Variants in SMC6 observed in about 807,000 individuals in gnomAD.
The protein encoded by SMC6 is structural maintenance of chromosomes protein 6.
SMC6 carries 79 observed loss-of-function variants against 142.2 expected under a neutral mutation model. The observed-to-expected ratio is 0.56, with a 90% CI of 0.46 to 0.67. The LOEUF is 0.67. Among genes scored for constraint, SMC6 ranks in the 30% least tolerant of loss-of-function variants. The probability of loss-of-function intolerance (pLI) is 0.00; values close to 1 mark genes in which losing one functional copy is unlikely to be tolerated. For missense variants in SMC6, 1,072 were observed against 1,284.0 expected, an observed-to-expected ratio of 0.83 and a Z score of 2.52; for synonymous variants, 411 against 412.4, an observed-to-expected ratio of 1.00 and a Z score of 0.04.
intron 3 of SMC6, among the ~76,000 whole-genome samples, chr2:17,743,797 A>T (rs1670596690): frequency 6.6e-6 from 1 of 152,102 alleles, no homozygotes; most frequent in Non-Finnish European, 1.5e-5. Context: ...TTAACTCTCC[A>T]TAGTTATGCC....
intron 7 of SMC6, 63 bp downstream of exon 7, chr2:17,731,015 G>C: frequency 7.6e-7 from 1 of 1,307,748 alleles, no homozygotes; most frequent in Non-Finnish European, 1.1e-6. Context: ...CTACACAAGT[G>C]AAATCGCACT....
intron 25 of SMC6, among the ~76,000 whole-genome samples, chr2:17,674,454 G>A (rs1666912507): frequency 6.6e-6 from 1 of 152,030 alleles, no homozygotes. Context: ...TTGCATTATA[G>A]CCAGGAAATG....
rs527738645 is a variant in SMC6, at chr2:17,679,018, C to A, written c.2805-54G>T. 12 of 1,217,486 alleles carry A rather than the reference C, an allele frequency of 9.9e-6. No individual in the cohort carries two copies. The South Asian group carries it at 1.4e-4, about 15-fold the overall frequency. 75.4% of individuals were successfully genotyped at this position (1,217,486 alleles called of 1,614,324 possible). ...AAAGAGGGCAAAGGTTTTTTAAAAACTATATTCAGCATGATCTAAGCATGT... is the reference window on the plus strand; with the variant it reads ...AAAGAGGGCAAAGGTTTTTTAAAAAATATATTCAGCATGATCTAAGCATGT... On this transcript the variant is annotated intron_variant, in intron 24 of 27. Coordinates refer to ENST00000448223, the MANE Select transcript of SMC6 (RefSeq NM_001142286.2).
chr2:17,753,112 C>T (rs1160885259), intron 1 of SMC6, 48 bp from the exon 2 acceptor site: 6 of 710,268 alleles, frequency 8.4e-6, no homozygotes, highest in Non-Finnish European at 1.0e-5. Flanking sequence ...CCTTTGAACA[C>T]ATGTTAATTT....
Position 17,717,186 on chromosome 2 carries a change from A to G in SMC6, c.1093-10T>C, listed in dbSNP as rs769716129. 10 of 1,578,504 alleles carry G rather than the reference A, an allele frequency of 6.3e-6. No homozygotes were observed. The African/African-American group carries it at 1.2e-4, about 19-fold the overall frequency. On this transcript the variant is annotated splice_polypyrimidine_tract_variant and intron_variant, in intron 12 of 27. Transcript: ENST00000448223. ...ATCGGTTATATAAAACCTAACCAAA[A>G]AAATTAGACACACTTTACAAAAATG...
chr2:17,709,909 A>G (rs971292666), intron 16 of SMC6, among the ~76,000 whole-genome samples: 3 of 152,214 alleles, frequency 2.0e-5, no homozygotes, highest in East Asian at 3.8e-4. Context: ...TCAGAGAAGC[A>G]AGGAGACAGA....
chr2:17,675,186 A>T (rs1396311121), intron 25 of SMC6, among the ~76,000 whole-genome samples: 2 of 152,040 alleles, frequency 1.3e-5, no homozygotes, highest in Non-Finnish European at 2.9e-5. Flanking sequence ...TGGTTACTCT[A>T]GAGATTGCAA....
Position 17,678,939 on chromosome 2 carries a change from A to G in SMC6, c.2830T>C (p.Tyr944His). 6.2e-7 allele frequency: 1 copy of G among 1,611,910 alleles called. No homozygotes were observed. The highest frequency in any genetic ancestry group is 8.5e-7 in the Non-Finnish European group (1 of 1,179,112). Residue 944 changes from tyrosine to histidine, a missense_variant, in exon 25 of 28, where the codon TAC (tyrosine) becomes CAC (histidine). Around this residue, in one of 3 missense-constraint regions of SMC6, gnomAD observed 994 missense variants for 1,153.2 expected, o/e 0.86. Transcript: ENST00000448223. The stretch of plus-strand genomic sequence containing the variant: ...CGCTGAGATAGTAAGTTGTCAAAGT[A>G]TAATTTGCATCGTAAAGTCAAACAC... ...RRCLTLRCKL[Y>H]FDNLLSQRAY...
Position 17,678,893 on chromosome 2 carries a change from T to C in SMC6, c.2876A>G (p.Asn959Ser). The C allele has an allele frequency of 6.2e-7, 1 of 1,612,462 alleles. No homozygotes were observed. The highest frequency in any genetic ancestry group is 1.1e-5 in the South Asian group (1 of 90,804). ...LSQRAYCGKM[N>S]FDHKNETLSI... ...TAGAGTTTCATTCTTGTGGTCAAAA[T>C]TCATTTTTCCACAATAGGCCCGCTG... Residue 959 changes from asparagine to serine, a missense_variant, in exon 25 of 28, where the codon AAT becomes AGT. This residue lies in a region of SMC6 where 994 missense variants were observed against 1,153.2 expected (regional missense o/e 0.86). Coordinates refer to ENST00000448223, the MANE Select transcript of SMC6 (RefSeq NM_001142286.2).
At chr2:17,693,161 G>A (rs528109594) in intron 23 of SMC6, among the ~76,000 whole-genome samples, 62 of 152,228 alleles carry the variant, frequency 4.1e-4, no homozygotes, top group Admixed American at 1.2e-3. Context: ...ATTGCTAAGG[G>A]ATCTAGAAAT....
At chr2:17,751,540 G>T (rs1258703631) in intron 2 of SMC6, among the ~76,000 whole-genome samples, 1 of 151,904 alleles carries the variant, frequency 6.6e-6, no homozygotes, top group African/African-American at 2.4e-5. Flanking sequence ...AAGGTATTTT[G>T]AGATAGAGGC....
chr2:17,689,964 C>A (rs1418379094), intron 23 of SMC6, among the ~76,000 whole-genome samples: 1 of 152,040 alleles, frequency 6.6e-6, no homozygotes, highest in East Asian at 1.9e-4. Flanking sequence ...TACAGAGAGC[C>A]AGCTGTATTT....
At chr2:17,718,303 T>C in intron 11 of SMC6, 80 bp from the exon 12 acceptor site, 1 of 921,356 alleles carries the variant, frequency 1.1e-6, no homozygotes, top group Admixed American at 3.4e-5. Flanking sequence ...ATAGTTCATA[T>C]ACCAATAATA....
At chr2:17,731,918 T>C in intron 5 of SMC6, 41 bp from the exon 6 acceptor site, 1 of 1,585,826 alleles carries the variant, frequency 6.3e-7, no homozygotes, top group East Asian at 2.3e-5. Context: ...GAAGATACAG[T>C]GTAATTACAA....
intron 16 of SMC6, 83 bp from the exon 17 acceptor site, chr2:17,708,836 A>ATATAT: frequency 2.1e-5 from 8 of 380,768 alleles, no homozygotes; most frequent in Non-Finnish European, 3.1e-5. Context: ...ATATATATAT[A>ATATAT]AGAGTATATA....
chr2:17,737,387 G>C (rs1478197087), intron 5 of SMC6, among the ~76,000 whole-genome samples: 1 of 152,228 alleles, frequency 6.6e-6, no homozygotes, highest in Non-Finnish European at 1.5e-5. Context: ...CTGGGCATGA[G>C]AAGAAGGAAT....
In SMC6 at chr2:17,686,771, C is replaced by T. The variant is rs560371469; in HGVS notation, c.2679-3008G>A. ...TTATGTGTGAATTAGTGTAAGAAAA[C>T]GATTGCTTATATAAATTCAGAATCA... On this transcript the variant is annotated intron_variant, in intron 23 of 27. Coordinates refer to ENST00000448223, the MANE Select transcript of SMC6 (RefSeq NM_001142286.2). Among the ~76,000 whole-genome samples the T allele has an allele frequency of 7.9e-5, 12 of 152,208 alleles. 1 individual carries two copies. The South Asian group carries it at 1.5e-3, about 18-fold the overall frequency.
At chr2:17,698,924 T>A (rs1458017184) in intron 21 of SMC6, among the ~76,000 whole-genome samples, 2 of 152,040 alleles carry the variant, frequency 1.3e-5, no homozygotes, top group African/African-American at 2.4e-5. Context: ...ATTTTACCAG[T>A]TTGAGAAGGA....
chr2:17,680,770 A>G (rs1038585468), intron 24 of SMC6: 6 of 152,176 alleles, frequency 3.9e-5, no homozygotes, highest in Non-Finnish European at 1.5e-5. Context: ...TGCTCTCATC[A>G]GGCTTTGTTT....
Sources: gnomAD v4.1 joint callset for allele counts (sites outside exome capture counted in the v4.1 genomes callset) on GRCh38, gnomAD v4.1.1 for gene constraint, gnomAD v4.1.1 regional missense constraint, MANE v1.5 for transcripts, NCBI Gene and HGNC (gene_info 2026-07-23, HGNC 2026-07-21) for gene names.